Variants in SAXO1 observed in about 807,000 individuals in gnomAD.
The protein encoded by SAXO1 is 4930500O09Rik.
SAXO1 carries 21 observed loss-of-function variants against 17.5 expected under a neutral mutation model. The ratio of observed to expected loss-of-function variants is 1.20; its 90% CI spans 0.85 to 1.72. The LOEUF is 1.72. SAXO1 is among the 40% of genes most tolerant of loss of function. The pLI, the probability that SAXO1 is intolerant of heterozygous loss-of-function variation, is 0.00. For synonymous variants in SAXO1, 274 were observed against 216.5 expected, an observed-to-expected ratio of 1.27 and a Z score of -2.33; for missense variants, 843 against 596.0, an observed-to-expected ratio of 1.41 and a Z score of -4.32.
chr9:18,933,506 G>A lies in SAXO1; in HGVS notation c.422-4451C>T, dbSNP rs150291233. ...AGTATGCTTTACTACTTTTTGTGTA[G>A]ATTTGTGCTGCCATCTGGTATCATT... On this transcript the variant is annotated intron_variant, in intron 3 of 3. Coordinates refer to ENST00000380534, the MANE Select transcript of SAXO1 (RefSeq NM_153707.4). Among the ~76,000 whole-genome samples, 64 of 152,290 alleles carry A rather than the reference G, an allele frequency of 4.2e-4. 1 individual carries two copies. The highest frequency in any genetic ancestry group is 7.4e-4 in the Non-Finnish European group (50 of 68,018).
At chr9:19,040,592 C>T (rs1282365584) in intron 1 of SAXO1, among the ~76,000 whole-genome samples, 3 of 151,184 alleles carry the variant, frequency 2.0e-5, no homozygotes, top group African/African-American at 7.3e-5. Context: ...TGCAGTGAGC[C>T]AAGATGGCGC....
intron 2 of SAXO1, among the ~76,000 whole-genome samples, chr9:18,947,174 G>T (rs1026048599): frequency 6.6e-6 from 1 of 152,216 alleles, no homozygotes; most frequent in Non-Finnish European, 1.5e-5. Flanking sequence ...TGGAGGCTAA[G>T]TATATGCCCA....
intron 1 of SAXO1, among the ~76,000 whole-genome samples, chr9:19,020,407 G>T (rs1430990330): frequency 6.6e-6 from 1 of 150,704 alleles, no homozygotes; most frequent in Non-Finnish European, 1.5e-5. Context: ...TCAGTGGTGC[G>T]ATCTCAGCTC....
chr9:19,006,736 T>C (rs991589589), intron 1 of SAXO1, among the ~76,000 whole-genome samples: 4 of 152,188 alleles, frequency 2.6e-5, no homozygotes, highest in African/African-American at 9.7e-5. Flanking sequence ...TATCACAGAA[T>C]TGTACATTTT....
At chr9:19,026,692 T>G (rs539972778) in intron 1 of SAXO1, among the ~76,000 whole-genome samples, 1 of 152,312 alleles carries the variant, frequency 6.6e-6, no homozygotes, top group East Asian at 1.9e-4. Context: ...GGAAAATACT[T>G]TTTGAATTTT....
intron 3 of SAXO1, 64 bp from the exon 4 acceptor site, chr9:18,929,119 C>T: frequency 3.8e-6 from 6 of 1,560,570 alleles, no homozygotes; most frequent in South Asian, 3.6e-5. Context: ...ATATATTCTA[C>T]AGAGCCCCAA....
chr9:19,003,732 C>A (rs1040143054), intron 1 of SAXO1, among the ~76,000 whole-genome samples: 6 of 152,226 alleles, frequency 3.9e-5, no homozygotes, highest in Middle Eastern at 6.8e-3. Context: ...ACACCTTAAA[C>A]AAAAATTGAC....
intron 1 of SAXO1, among the ~76,000 whole-genome samples, chr9:19,031,734 G>A (rs1304225298): frequency 2.0e-5 from 3 of 152,154 alleles, no homozygotes; most frequent in African/African-American, 7.2e-5. Context: ...ATCACCTTTA[G>A]ACAGTTGACA....
At chr9:19,016,935 C>T (rs909535975) in intron 1 of SAXO1, among the ~76,000 whole-genome samples, 2 of 151,622 alleles carry the variant, frequency 1.3e-5, no homozygotes, top group Non-Finnish European at 2.9e-5. Context: ...ACGCCCCTGA[C>T]AACCACCCAC....
intron 1 of SAXO1, among the ~76,000 whole-genome samples, chr9:19,042,086 C>G (rs1836092247): frequency 1.4e-5 from 2 of 141,202 alleles, no homozygotes; most frequent in Admixed American, 1.5e-4. Flanking sequence ...GCTCAAACAA[C>G]TCTATGGGAA....
chr9:18,987,169 A>C (rs1178009965), intron 1 of SAXO1, among the ~76,000 whole-genome samples: 1 of 152,220 alleles, frequency 6.6e-6, no homozygotes, highest in Non-Finnish European at 1.5e-5. Flanking sequence ...ATGTTACTGG[A>C]GACAGTGTCA....
At chr9:18,938,915 A>T (rs2131693169) in intron 3 of SAXO1, among the ~76,000 whole-genome samples, 1 of 151,000 alleles carries the variant, frequency 6.6e-6, no homozygotes, top group South Asian at 2.1e-4. Flanking sequence ...ACTTCTCTTT[A>T]AATGCTACAT....
intron 1 of SAXO1, among the ~76,000 whole-genome samples, chr9:19,019,663 G>C (rs148928906): frequency 1.3e-5 from 2 of 152,152 alleles, no homozygotes; most frequent in Non-Finnish European, 2.9e-5. Flanking sequence ...CAGGGAGGCA[G>C]AGGTTGCAAT....
chr9:19,019,898 A>C (rs892750918), intron 1 of SAXO1, among the ~76,000 whole-genome samples: 1 of 152,144 alleles, frequency 6.6e-6, no homozygotes, highest in African/African-American at 2.4e-5. Context: ...CCTCTTCTGT[A>C]AACTACAGCA....
chr9:19,007,191 A>G (rs1197252535), intron 1 of SAXO1, among the ~76,000 whole-genome samples: 1 of 151,866 alleles, frequency 6.6e-6, no homozygotes, highest in African/African-American at 2.4e-5. Flanking sequence ...TACTAAAAAT[A>G]CAAAAATTAA....
chr9:19,024,523 A>G (rs1046621637), intron 1 of SAXO1, among the ~76,000 whole-genome samples: 2 of 152,144 alleles, frequency 1.3e-5, no homozygotes, highest in Non-Finnish European at 2.9e-5. Context: ...CAGCACACCA[A>G]CATGGCACAT....
At chr9:18,980,354 T>C (rs1261531236) in intron 1 of SAXO1, among the ~76,000 whole-genome samples, 11 of 151,922 alleles carry the variant, frequency 7.2e-5, no homozygotes, top group Admixed American at 7.2e-4. Context: ...ATGGCTGTGG[T>C]AGGTCATATT....
intron 1 of SAXO1, among the ~76,000 whole-genome samples, chr9:19,039,481 C>G (rs1225671797): frequency 6.6e-6 from 1 of 152,216 alleles, no homozygotes; most frequent in African/African-American, 2.4e-5. Context: ...ATCTACTGTA[C>G]TTCGTCCCTC....
intron 3 of SAXO1, among the ~76,000 whole-genome samples, chr9:18,933,392 C>G (rs1319290370): frequency 1.3e-5 from 2 of 151,976 alleles, no homozygotes; most frequent in Non-Finnish European, 2.9e-5. Flanking sequence ...CTGTAATTGT[C>G]TTTTAAATGA....
Sources: allele counts gnomAD v4.1 joint callset (sites outside exome capture counted in the v4.1 genomes callset), GRCh38; gene constraint gnomAD v4.1.1; transcripts MANE v1.5; gene names NCBI Gene and HGNC (gene_info 2026-07-23, HGNC 2026-07-21).